Variants in NEDD8 observed in about 807,000 individuals in gnomAD.
NEDD8 encodes ubiquitin-like protein NEDD8.
Under a neutral mutation model 13.8 loss-of-function variants are expected in NEDD8, and 1 was observed. That is an observed-to-expected ratio of 0.07 (90% confidence interval 0.03 to 0.34). The LOEUF (loss-of-function observed/expected upper bound fraction) is 0.34, where lower values mean the gene tolerates loss of function less well. NEDD8 is among the 10% of genes least tolerant of loss of function. The probability of loss-of-function intolerance (pLI) is 0.99; values close to 1 mark genes in which losing one functional copy is unlikely to be tolerated. For synonymous variants in NEDD8, 31 were observed against 33.2 expected (o/e 0.93, Z 0.23); for missense variants, 10 against 95.2 (o/e 0.10, Z 3.73).
At chr14:24,227,270 T>C (rs947081374) in intron 1 of NEDD8, 2 of 152,078 alleles carry the variant, frequency 1.3e-5, no homozygotes, top group African/African-American at 4.8e-5. Flanking sequence ...GAAAACTGAT[T>C]CACACAGTAA....
At chr14:24,231,845 AG>A (rs2040036122) in intron 1 of NEDD8, 1 of 193,856 alleles carries the variant, frequency 5.2e-6, no homozygotes, top group South Asian at 1.1e-4. Context: ...GACCTACGTT[AG>A]GGACTGGGAG....
intron 1 of NEDD8, among the ~76,000 whole-genome samples, chr14:24,222,893 C>T (rs2039829774): frequency 6.6e-6 from 1 of 151,916 alleles, no homozygotes; most frequent in Admixed American, 6.6e-5. Flanking sequence ...TGAGACCAGC[C>T]TGGCCAACAC....
chr14:24,225,876 TA>T (rs112788075), intron 1 of NEDD8, among the ~76,000 whole-genome samples: 6 of 151,308 alleles, frequency 4.0e-5, no homozygotes, highest in African/African-American at 1.5e-4. Flanking sequence ...TTGTCTCTAC[TA>T]AAAATACAAA....
intron 1 of NEDD8, among the ~76,000 whole-genome samples, chr14:24,225,649 T>C (rs1246625557): frequency 6.6e-6 from 1 of 152,212 alleles, no homozygotes; most frequent in East Asian, 1.9e-4. Context: ...AAATTGTCCA[T>C]GAAGTTGTTT....
intron 1 of NEDD8, among the ~76,000 whole-genome samples, chr14:24,230,148 C>A (rs2039966907): frequency 6.9e-6 from 1 of 144,994 alleles, no homozygotes; most frequent in Non-Finnish European, 1.5e-5. Flanking sequence ...ACTAGTAACA[C>A]CCCCTGTGTA....
chr14:24,226,260 G>A (rs2138900075), intron 1 of NEDD8, among the ~76,000 whole-genome samples: 1 of 152,152 alleles, frequency 6.6e-6, no homozygotes, highest in South Asian at 2.1e-4. Flanking sequence ...GGGAGGCTGA[G>A]GCAGGTGGAT....
chr14:24,220,187 C>A (rs2039781627), intron 1 of NEDD8, among the ~76,000 whole-genome samples: 1 of 152,112 alleles, frequency 6.6e-6, no homozygotes, highest in Non-Finnish European at 1.5e-5. Context: ...ATTAATATAC[C>A]AATTACAGCT....
intron 1 of NEDD8, among the ~76,000 whole-genome samples, chr14:24,219,563 C>G (rs2039767545): frequency 6.6e-6 from 1 of 151,350 alleles, no homozygotes; most frequent in Non-Finnish European, 1.5e-5. Flanking sequence ...CCATATCTTT[C>G]CAGACTTCTA....
chr14:24,225,754 C>T (rs2039880747), intron 1 of NEDD8, among the ~76,000 whole-genome samples: 1 of 152,038 alleles, frequency 6.6e-6, no homozygotes, highest in Non-Finnish European at 1.5e-5. Context: ...TAAGATGAAC[C>T]TAGACAGGGC....
chr14:24,229,258 T>C (rs2138908101), intron 1 of NEDD8, among the ~76,000 whole-genome samples: 1 of 152,340 alleles, frequency 6.6e-6, no homozygotes. Context: ...CTCACTCTGT[T>C]GCCCAGGCTG....
chr14:24,230,408 G>T (rs1317436017), intron 1 of NEDD8, among the ~76,000 whole-genome samples: 1 of 144,076 alleles, frequency 6.9e-6, no homozygotes, highest in Non-Finnish European at 1.5e-5. Flanking sequence ...GGTGGCAGGC[G>T]CCTGTAGTCC....
intron 1 of NEDD8, among the ~76,000 whole-genome samples, chr14:24,224,898 C>A (rs1035163365): frequency 3.3e-5 from 5 of 152,146 alleles, no homozygotes; most frequent in African/African-American, 9.7e-5. Flanking sequence ...GTGTCTCATG[C>A]CTGTAATCCC....
chr14:24,230,245 A>G (rs1205605447), intron 1 of NEDD8, among the ~76,000 whole-genome samples: 5 of 132,542 alleles, frequency 3.8e-5, no homozygotes, highest in Admixed American at 8.0e-5. Context: ...AAAAAAAAAA[A>G]GGCCAGGCAC....
At chr14:24,230,846 C>A (rs995091368) in intron 1 of NEDD8, among the ~76,000 whole-genome samples, 3 of 151,984 alleles carry the variant, frequency 2.0e-5, no homozygotes, top group African/African-American at 7.2e-5. Context: ...TTGAACTCCT[C>A]ACCTTAGGTG....
At chr14:24,222,914 C>T (rs1045040983) in intron 1 of NEDD8, among the ~76,000 whole-genome samples, 2 of 151,582 alleles carry the variant, frequency 1.3e-5, no homozygotes, top group Non-Finnish European at 2.9e-5. Flanking sequence ...AGTGAAACCC[C>T]ATCTCTACTA....
At chr14:24,220,956 A>C (rs1257037948) in intron 1 of NEDD8, among the ~76,000 whole-genome samples, 1 of 152,266 alleles carries the variant, frequency 6.6e-6, no homozygotes, top group African/African-American at 2.4e-5. Flanking sequence ...ACAAGAACTC[A>C]GAAAATTTCC....
intron 1 of NEDD8, among the ~76,000 whole-genome samples, chr14:24,225,992 T>C (rs1373877740): frequency 6.7e-6 from 1 of 149,390 alleles, no homozygotes; most frequent in Non-Finnish European, 1.5e-5. Context: ...TGAGCAGGGA[T>C]CACGCCACTG....
chr14:24,219,257 T>G (rs1000560321), intron 1 of NEDD8, among the ~76,000 whole-genome samples: 32 of 149,700 alleles, frequency 2.1e-4, no homozygotes, highest in African/African-American at 6.9e-4. Context: ...AGCCTAGGAG[T>G]TCCAGACCAG....
At chr14:24,227,892 C>T (rs1818821377) in intron 1 of NEDD8, 2 of 152,018 alleles carry the variant, frequency 1.3e-5, no homozygotes, top group African/African-American at 4.8e-5. Flanking sequence ...CTCAGGAGTT[C>T]AAGACCAGCC....
Sources: allele counts gnomAD v4.1 joint callset (sites outside exome capture counted in the v4.1 genomes callset), GRCh38; gene constraint gnomAD v4.1.1; transcripts MANE v1.5; gene names NCBI Gene and HGNC (gene_info 2026-07-23, HGNC 2026-07-21).